Variants in OPCML observed in about 807,000 individuals in gnomAD.
OPCML encodes opioid binding protein/cell adhesion molecule like, also known as opioid-binding protein/cell adhesion molecule.
A neutral mutation model predicts 37.8 loss-of-function variants in OPCML; 13 were observed. The ratio of observed to expected loss-of-function variants is 0.34; its 90% CI spans 0.22 to 0.55. The LOEUF (loss-of-function observed/expected upper bound fraction) is 0.55. Among genes scored for constraint, OPCML ranks in the 20% least tolerant of loss-of-function variants. The probability of loss-of-function intolerance (pLI) is 0.91; values close to 1 mark genes in which losing one functional copy is unlikely to be tolerated. For synonymous variants in OPCML, 176 were observed against 168.8 expected, an observed-to-expected ratio of 1.04 and a Z score of -0.33; for missense variants, 341 against 435.6, an observed-to-expected ratio of 0.78 and a Z score of 1.93.
chr11:133,182,885 C>T (rs1414590194), intron 1 of OPCML, among the ~76,000 whole-genome samples: 1 of 152,078 alleles, frequency 6.6e-6, no homozygotes, highest in East Asian at 1.9e-4. Flanking sequence ...AGTCATTCTT[C>T]CTGGAACACC....
In OPCML at chr11:132,418,034, C is replaced by T. The variant is rs1206096953; in HGVS notation, c.*2159G>A. ...CTTAGCATTTAGTGTGCCAAGATAG[C>T]CTATGTTTGTATGTATGTATATATG... On this transcript the variant is annotated 3_prime_UTR_variant, in exon 8 of 8. Coordinates refer to ENST00000524381, the MANE Select transcript of OPCML (RefSeq NM_001012393.5). 6.6e-6 allele frequency: 1 copy of T among 152,114 alleles called. No individual in the cohort carries two copies. Among genetic ancestry groups the T allele is most frequent in the Non-Finnish European group, 1.5e-5 (1 of 68,028 alleles). 9.4% of individuals were successfully genotyped at this position (152,114 alleles called of 1,614,324 possible).
At chr11:133,049,718 G>A (rs182617451) in intron 1 of OPCML, among the ~76,000 whole-genome samples, 170 of 152,318 alleles carry the variant, frequency 1.1e-3, no homozygotes, top group Non-Finnish European at 2.1e-3. Flanking sequence ...GTGCAGGACA[G>A]AGTCCTCCTG....
At chr11:132,806,059 T>C (rs1189175976) in intron 2 of OPCML, among the ~76,000 whole-genome samples, 1 of 152,034 alleles carries the variant, frequency 6.6e-6, no homozygotes, top group Non-Finnish European at 1.5e-5. Flanking sequence ...AGGAGAAGGT[T>C]ACATATCATT....
intron 2 of OPCML, among the ~76,000 whole-genome samples, chr11:132,875,124 C>T (rs1020143577): frequency 2.0e-5 from 3 of 152,082 alleles, no homozygotes; most frequent in African/African-American, 7.2e-5. Flanking sequence ...TGAAACTTAA[C>T]CATTTTTTAA....
intron 2 of OPCML, among the ~76,000 whole-genome samples, chr11:132,716,711 A>C (rs944348561): frequency 1.3e-5 from 2 of 152,262 alleles, no homozygotes; most frequent in South Asian, 4.1e-4. Context: ...AAAACCCAGC[A>C]CTCTGAAGTC....
At chr11:132,605,681 A>G (rs1938244875) in intron 3 of OPCML, among the ~76,000 whole-genome samples, 1 of 152,166 alleles carries the variant, frequency 6.6e-6, no homozygotes, top group Non-Finnish European at 1.5e-5. Flanking sequence ...TCTAGTGTCA[A>G]GGAATATTGA....
In OPCML at chr11:133,211,989, C is replaced by A. The variant is rs769060107; in HGVS notation, c.62-268979G>T. On this transcript the variant is annotated intron_variant, in intron 1 of 7. Transcript: ENST00000524381. The surrounding 1 kb of genome is among the most constrained non-coding windows in gnomAD (Gnocchi z 4.1). ...GAACGCTGGGCTGTCAGATGGCAAG[C>A]CTAGTGCATACAGCCTGATAGCAGA... Among the ~76,000 whole-genome samples, 9 of 152,098 alleles carry A rather than the reference C, an allele frequency of 5.9e-5. No homozygotes were observed. The highest frequency in any genetic ancestry group is 1.0e-4 in the Non-Finnish European group (7 of 68,030).
chr11:133,118,409 T>C lies in OPCML; in HGVS notation c.62-175399A>G, dbSNP rs569485101. 40 of 985,386 alleles carry C rather than the reference T, an allele frequency of 4.1e-5. No individual in the cohort carries two copies. In the African/African-American group the frequency reaches 6.6e-4, roughly 16 times the overall value. 61.0% of individuals were successfully genotyped at this position (985,386 alleles called of 1,614,324 possible). A position where few individuals can be genotyped will look rare whatever the true frequency, so the allele number is the denominator to read the frequency against. ...GTCTTTCTCTGTGTCAGGGCTGGCC[T>C]TCCTTTCATGGAGTTTACACAATGG... On this transcript the variant is annotated intron_variant, in intron 1 of 7. Coordinates refer to ENST00000524381, the MANE Select transcript of OPCML (RefSeq NM_001012393.5).
chr11:133,238,873 G>A (rs549223155), intron 1 of OPCML, among the ~76,000 whole-genome samples: 1 of 152,288 alleles, frequency 6.6e-6, no homozygotes, highest in African/African-American at 2.4e-5. Context: ...ACTTCTGTGG[G>A]CCTTTCATCT....
intron 1 of OPCML, among the ~76,000 whole-genome samples, chr11:133,193,049 T>C (rs764877143): frequency 3.9e-5 from 6 of 152,046 alleles, no homozygotes; most frequent in Non-Finnish European, 8.8e-5. Context: ...AGACTTTGCC[T>C]CCCTGACCAA....
chr11:133,471,635 A>T (rs1947118118), intron 1 of OPCML, among the ~76,000 whole-genome samples: 1 of 152,210 alleles, frequency 6.6e-6, no homozygotes. Context: ...AAAAAACAAG[A>T]GTAAAAAACC....
chr11:132,587,353 C>T (rs138395032), intron 3 of OPCML, among the ~76,000 whole-genome samples: 1 of 152,302 alleles, frequency 6.6e-6, no homozygotes, highest in East Asian at 1.9e-4. Flanking sequence ...CAGAGCTGTC[C>T]TTCATGGTCT....
intron 1 of OPCML, among the ~76,000 whole-genome samples, chr11:133,130,745 G>C (rs1949590557): frequency 6.6e-6 from 1 of 152,128 alleles, no homozygotes; most frequent in African/African-American, 2.4e-5. Context: ...CAGACAAACG[G>C]ATCAATGTAA....
At chr11:133,096,403 A>C (rs1591997615) in intron 1 of OPCML, among the ~76,000 whole-genome samples, 1 of 152,026 alleles carries the variant, frequency 6.6e-6, no homozygotes, top group East Asian at 1.9e-4. Flanking sequence ...TAGGAGAGAA[A>C]ATGAGATTAT....
intron 1 of OPCML, chr11:133,300,987 G>C (rs1942762165): frequency 6.6e-6 from 1 of 152,114 alleles, no homozygotes; most frequent in South Asian, 2.1e-4. Flanking sequence ...TTGGACTTCT[G>C]GCCTCTGGAA....
At chr11:133,474,239 A>G (rs971417229) in intron 1 of OPCML, among the ~76,000 whole-genome samples, 1 of 152,216 alleles carries the variant, frequency 6.6e-6, no homozygotes, top group African/African-American at 2.4e-5. Flanking sequence ...TACGTGCTTC[A>G]CGCCAAGGAT....
At chr11:132,502,327 A>C (rs2096247305) in intron 4 of OPCML, among the ~76,000 whole-genome samples, 1 of 151,534 alleles carries the variant, frequency 6.6e-6, no homozygotes, top group African/African-American at 2.4e-5. Flanking sequence ...CTTTTTATTT[A>C]TTTATCAGGC....
At chr11:132,959,250 A>G (rs531390712) in intron 1 of OPCML, among the ~76,000 whole-genome samples, 1 of 152,364 alleles carries the variant, frequency 6.6e-6, no homozygotes, top group African/African-American at 2.4e-5. Flanking sequence ...CAAGAGAACT[A>G]GAACTACAAG....
At chr11:132,424,198 C>T (rs2095970012) in intron 7 of OPCML, among the ~76,000 whole-genome samples, 1 of 151,826 alleles carries the variant, frequency 6.6e-6, no homozygotes, top group Non-Finnish European at 1.5e-5. Flanking sequence ...CGGCTCACTG[C>T]AAGCTCCACC....
Sources: gnomAD v4.1 joint callset for allele counts (sites outside exome capture counted in the v4.1 genomes callset) on GRCh38, gnomAD v4.1.1 for gene constraint, Gnocchi (gnomAD v3.1) non-coding constraint, MANE v1.5 for transcripts, NCBI Gene and HGNC (gene_info 2026-07-23, HGNC 2026-07-21) for gene names.